ZBTB38: variants seen among roughly 807,000 people sequenced by gnomAD.
ZBTB38 encodes the protein zinc finger and BTB domain containing 38.
In ZBTB38, 20 loss-of-function variants were observed where a neutral mutation model predicts 76.8. The observed-to-expected ratio is 0.26, with a 90% CI of 0.18 to 0.38. The LOEUF (loss-of-function observed/expected upper bound fraction) is 0.38. Ranked by LOEUF, ZBTB38 falls within the 10% of genes least tolerant of loss-of-function variation. The probability of loss-of-function intolerance (pLI) is 1.00; values close to 1 mark genes in which losing one functional copy is unlikely to be tolerated. For synonymous variants in ZBTB38, 504 were observed against 544.2 expected, an observed-to-expected ratio of 0.93 and a Z score of 1.03; for missense variants, 1,082 against 1,482.3, an observed-to-expected ratio of 0.73 and a Z score of 4.43.
At chr3:141,347,288 T>G (rs1313677488) in intron 1 of ZBTB38, among the ~76,000 whole-genome samples, 1 of 152,144 alleles carries the variant, frequency 6.6e-6, no homozygotes, top group African/African-American at 2.4e-5. Flanking sequence ...GTTTAAAAAA[T>G]TAAAAGTATA....
At chr3:141,329,084 G>A (rs923538433) in intron 1 of ZBTB38, among the ~76,000 whole-genome samples, 7 of 151,928 alleles carry the variant, frequency 4.6e-5, no homozygotes, top group Admixed American at 2.0e-4. Context: ...ATACAACAGC[G>A]AACAAGCCAC....
upstream of ZBTB38, chr3:141,324,207 G>C (rs1382531235): frequency 6.6e-6 from 1 of 152,090 alleles, no homozygotes; most frequent in African/African-American, 2.4e-5. Flanking sequence ...TGCATTTGTG[G>C]TTGTCCACAG....
chr3:141,443,555 T>C lies in ZBTB38; in HGVS notation c.1167T>C (p.His389=), dbSNP rs760797779. 5.1e-5 allele frequency: 83 copies of C among 1,614,082 alleles called. No homozygotes were observed. The highest frequency in any genetic ancestry group is 6.4e-5 in the Non-Finnish European group (76 of 1,180,038). ...CCACCCTGAACAGGTTGGATCGGCA[T>C]GAACAGATCTGCATGAGGTCAAGCC... ...QFTTLNRLDR[H]EQICMRSSHM... The change falls in exon 6 of 6, where the codon CAT becomes CAC. Residue 389 remains histidine, a synonymous_variant. Transcript: ENST00000321464. This position sits in a 1 kb window ranked among gnomAD's most constrained non-coding sequence, Gnocchi z 5.6.
intron 5 of ZBTB38, among the ~76,000 whole-genome samples, chr3:141,440,339 G>A (rs566268685): frequency 6.6e-6 from 1 of 152,098 alleles, no homozygotes; most frequent in Non-Finnish European, 1.5e-5. Context: ...CCTATGACTG[G>A]ATACAATAAA....
chr3:141,435,761 A>C (rs1305394827), intron 5 of ZBTB38, among the ~76,000 whole-genome samples: 1 of 150,896 alleles, frequency 6.6e-6, no homozygotes, highest in Non-Finnish European at 1.5e-5. Flanking sequence ...CTGCCTCAGA[A>C]AAAAAAAAAA....
chr3:141,403,618 C>G (rs1239248324), intron 4 of ZBTB38, among the ~76,000 whole-genome samples: 1 of 152,200 alleles, frequency 6.6e-6, no homozygotes, highest in Non-Finnish European at 1.5e-5. Flanking sequence ...CCCTGACTTA[C>G]TGGTTAATAG....
At chr3:141,406,170 C>T (rs1248362598) in intron 5 of ZBTB38, among the ~76,000 whole-genome samples, 1 of 152,176 alleles carries the variant, frequency 6.6e-6, no homozygotes, top group Non-Finnish European at 1.5e-5. Context: ...ATTGTGAATG[C>T]ATTAACCAAT....
At chr3:141,371,045 CTTTTTT>C (rs754872291) in intron 2 of ZBTB38, among the ~76,000 whole-genome samples, 16 of 72,006 alleles carry the variant, frequency 2.2e-4, no homozygotes, top group African/African-American at 6.2e-4. Flanking sequence ...TTCTTTCTTT[CTTTTTT>C]TTTTTTTTTT....
intron 1 of ZBTB38, among the ~76,000 whole-genome samples, chr3:141,331,687 T>TCATA (rs1942857284): frequency 6.6e-6 from 1 of 152,210 alleles, no homozygotes; most frequent in Admixed American, 6.5e-5. Context: ...TGCAAGTGTG[T>TCATA]CATAGTAAGC....
At chr3:141,428,130 A>G (rs753279843) in intron 5 of ZBTB38, among the ~76,000 whole-genome samples, 98 of 151,882 alleles carry the variant, frequency 6.5e-4, no homozygotes, top group Non-Finnish European at 9.4e-4. Flanking sequence ...CTGCTTGGAG[A>G]CCTCTCTGGC....
Position 141,445,399 on chromosome 3 carries a change from A to G in ZBTB38, c.3011A>G (p.His1004Arg), listed in dbSNP as rs1334433313. The G allele has an allele frequency of 6.2e-7, 1 of 1,614,062 alleles. No homozygotes were observed. Among genetic ancestry groups the G allele is most frequent in the African/African-American group, 1.3e-5 (1 of 74,922 alleles). The change falls in exon 6 of 6, where the codon CAT (histidine) becomes CGT (arginine). Residue 1004 changes from histidine (H) to arginine (R), a missense_variant. Physicochemically the swap from His to Arg is conservative, Grantham distance 29 (BLOSUM62 0). Transcript: ENST00000321464. The surrounding 1 kb of genome is among the most constrained non-coding windows in gnomAD (Gnocchi z 6.5). ...GGAAACCAAGGAAGGCCCCACCGAC[A>G]TCTTACTTCTCGGCCATATGCCTGC... Reference protein sequence around the residue: ...GAGNQGRPHRHLTSRPYACEL... With the variant: ...GAGNQGRPHRRLTSRPYACEL...
intron 4 of ZBTB38, chr3:141,388,638 A>G (rs1399812749): frequency 6.6e-6 from 1 of 152,234 alleles, no homozygotes; most frequent in African/African-American, 2.4e-5. Context: ...TGGTAACCAA[A>G]TCGTATTTAA....
At chr3:141,329,203 A>G (rs1177883098) in intron 1 of ZBTB38, among the ~76,000 whole-genome samples, 1 of 152,246 alleles carries the variant, frequency 6.6e-6, no homozygotes, top group African/African-American at 2.4e-5. Context: ...TTAAGCACTT[A>G]GCATAGTGCC....
chr3:141,436,490 A>G (rs1314001044), intron 5 of ZBTB38, among the ~76,000 whole-genome samples: 7 of 152,022 alleles, frequency 4.6e-5, no homozygotes, highest in African/African-American at 1.7e-4. Context: ...ATTTTTCAAA[A>G]AAAGCTATAT....
intron 2 of ZBTB38, among the ~76,000 whole-genome samples, chr3:141,371,748 A>C (rs1944639808): frequency 6.6e-6 from 1 of 152,240 alleles, no homozygotes; most frequent in South Asian, 2.1e-4. Context: ...GAAAAGTTTC[A>C]AAACATTTAC....
chr3:141,369,056 G>A (rs2148986653), intron 1 of ZBTB38, among the ~76,000 whole-genome samples: 1 of 149,286 alleles, frequency 6.7e-6, no homozygotes, highest in African/African-American at 2.5e-5. Flanking sequence ...CCCAACTGAT[G>A]CCTTTCCCTG....
At chr3:141,332,640 C>T (rs1007953134) in intron 1 of ZBTB38, among the ~76,000 whole-genome samples, 9 of 152,172 alleles carry the variant, frequency 5.9e-5, no homozygotes, top group African/African-American at 1.7e-4. Context: ...AACGATCTGC[C>T]GCCCTGAGCA....
At chr3:141,361,176 C>T (rs376716470) in intron 1 of ZBTB38, among the ~76,000 whole-genome samples, 2 of 152,232 alleles carry the variant, frequency 1.3e-5, no homozygotes, top group East Asian at 3.9e-4. Flanking sequence ...CCCCTTACCA[C>T]GAAGCATGAA....
At chr3:141,374,768 C>T (rs1945119893) in intron 2 of ZBTB38, among the ~76,000 whole-genome samples, 1 of 152,078 alleles carries the variant, frequency 6.6e-6, no homozygotes, top group South Asian at 2.1e-4. Flanking sequence ...ATTTCCATTG[C>T]ACTGATACAT....
Sources: allele counts gnomAD v4.1 joint callset (sites outside exome capture counted in the v4.1 genomes callset), GRCh38; gene constraint gnomAD v4.1.1; non-coding constraint Gnocchi (gnomAD v3.1); transcripts MANE v1.5; gene names NCBI Gene and HGNC (gene_info 2026-07-23, HGNC 2026-07-21).